Variants in IMPG1 observed in about 807,000 individuals in gnomAD.
IMPG1 encodes the protein interphotoreceptor matrix proteoglycan 1.
A neutral mutation model predicts 92.0 loss-of-function variants in IMPG1; 85 were observed. The ratio of observed to expected loss-of-function variants is 0.92; its 90% CI spans 0.78 to 1.11. The LOEUF is 1.11. IMPG1 is among the 50% of genes least tolerant of loss of function. IMPG1 has a pLI of 0.00. For synonymous variants in IMPG1, 367 were observed against 334.1 expected (o/e 1.10, Z -1.08); for missense variants, 1,022 against 956.0 (o/e 1.07, Z -0.91).
rs1390685470 is a variant in IMPG1, at chr6:75,963,045, A to AG, written c.1292-11952_1292-11951insC. On this transcript the variant is annotated intron_variant, in intron 12 of 16. Transcript: ENST00000369950. ...TACAGAGTGACTCTCTGTCTCCAGGAAAAAAAAAAAAAATCACAGAAAACA... is the reference window on the plus strand; with the variant it reads ...TACAGAGTGACTCTCTGTCTCCAGGAGAAAAAAAAAAAAATCACAGAAAACA... Among the ~76,000 whole-genome samples the AG allele has an allele frequency of 3.0e-5, 3 of 101,496 alleles. No homozygotes were observed. The South Asian group carries it at 9.3e-4, about 31-fold the overall frequency. 66.6% of individuals were successfully genotyped at this position (101,496 alleles called of 152,430 possible).
intron 12 of IMPG1, among the ~76,000 whole-genome samples, chr6:75,974,283 TTC>T (rs1013390150): frequency 1.7e-4 from 25 of 151,266 alleles, no homozygotes; most frequent in Middle Eastern, 3.4e-3. Flanking sequence ...TTTCTCTCTC[TTC>T]TTTCTTTCTC....
intron 14 of IMPG1, among the ~76,000 whole-genome samples, chr6:75,932,167 T>A (rs765249172): frequency 1.3e-5 from 2 of 152,268 alleles, no homozygotes; most frequent in Non-Finnish European, 2.9e-5. Flanking sequence ...TGCGTACAGA[T>A]AATGCTATAC....
intron 14 of IMPG1, among the ~76,000 whole-genome samples, chr6:75,935,489 C>T (rs537750542): frequency 1.3e-5 from 2 of 152,322 alleles, no homozygotes; most frequent in South Asian, 2.1e-4. Context: ...GGGTCGACCC[C>T]GCCGCACGTT....
At chr6:76,045,927 A>G (rs933347534) in intron 1 of IMPG1, among the ~76,000 whole-genome samples, 1 of 152,208 alleles carries the variant, frequency 6.6e-6, no homozygotes, top group African/African-American at 2.4e-5. Flanking sequence ...GACTTGCTAC[A>G]AAATAGAGTA....
intron 8 of IMPG1, among the ~76,000 whole-genome samples, chr6:76,009,786 C>G (rs956799302): frequency 2.0e-5 from 3 of 152,160 alleles, no homozygotes; most frequent in Admixed American, 6.5e-5. Context: ...ACTTCTAAAA[C>G]AGATTTTTTA....
rs1270054073 is a variant in IMPG1 at position 76,003,874 on chromosome 6, C to T, written c.1212G>A (p.Glu404=). 1.9e-6 allele frequency: 3 copies of T among 1,608,526 alleles called. No individual in the cohort carries two copies. Among genetic ancestry groups the T allele is most frequent in the African/African-American group, 2.7e-5 (2 of 74,776 alleles). ...ELPTSFAVIT[E]DATLSPELPP... ...AAGAACAAAAGGACAACAAACTTAC[C>T]TCTGTTATAACAGCAAAAGATGTGG... Residue 404 remains glutamate, a splice_region_variant and synonymous_variant, in exon 11 of 17, where the codon GAG becomes GAA. Transcript: ENST00000369950.
intron 12 of IMPG1, among the ~76,000 whole-genome samples, chr6:75,983,885 AC>A (rs1302619679): frequency 6.6e-6 from 1 of 152,180 alleles, no homozygotes; most frequent in African/African-American, 2.4e-5. Context: ...AAAGCAAATA[AC>A]CTGACTAAAA....
Position 76,064,028 on chromosome 6 carries a change from G to A in IMPG1, c.67+8394C>T, listed in dbSNP as rs561282098. Reference sequence around the variant, plus strand: ...CAGGCAGCCTCAGTGCTGAGGCACAGGAATGGAGAGGGGGACTACTCATCT... The same window carrying A: ...CAGGCAGCCTCAGTGCTGAGGCACAAGAATGGAGAGGGGGACTACTCATCT... On this transcript the variant is annotated intron_variant, in intron 1 of 16. Coordinates refer to ENST00000369950, the MANE Select transcript of IMPG1 (RefSeq NM_001563.4). Among the ~76,000 whole-genome samples, 3 of 152,292 alleles carry A rather than the reference G, an allele frequency of 2.0e-5. No homozygotes were observed. The East Asian group carries it at 5.8e-4, about 30-fold the overall frequency.
At chr6:76,017,868 T>C (rs925373646) in intron 7 of IMPG1, among the ~76,000 whole-genome samples, 1 of 152,190 alleles carries the variant, frequency 6.6e-6, no homozygotes, top group South Asian at 2.1e-4. Flanking sequence ...TTCTCCTGCC[T>C]CAGCCTCCCG....
chr6:75,923,076 T>C (rs1781456826), intron 16 of IMPG1, among the ~76,000 whole-genome samples: 1 of 152,086 alleles, frequency 6.6e-6, no homozygotes, highest in Non-Finnish European at 1.5e-5. Flanking sequence ...TATATATAAA[T>C]TGCTTATAGA....
intron 12 of IMPG1, among the ~76,000 whole-genome samples, chr6:75,998,774 C>T (rs1782939566): frequency 6.6e-6 from 1 of 152,162 alleles, no homozygotes. Context: ...TGAATTAATA[C>T]TATTTTTGAA....
At chr6:75,946,642 T>G (rs1429841583) in intron 14 of IMPG1, among the ~76,000 whole-genome samples, 1 of 152,248 alleles carries the variant, frequency 6.6e-6, no homozygotes, top group African/African-American at 2.4e-5. Context: ...GAGCAAATGT[T>G]TGCTTTCTCT....
intron 12 of IMPG1, among the ~76,000 whole-genome samples, chr6:75,996,020 A>C (rs2149474703): frequency 1.3e-5 from 2 of 152,334 alleles, no homozygotes; most frequent in East Asian, 3.8e-4. Flanking sequence ...CATCCCAGAG[A>C]GCCACTGGTA....
At chr6:76,047,585 G>A (rs913021555) in intron 1 of IMPG1, among the ~76,000 whole-genome samples, 2 of 152,098 alleles carry the variant, frequency 1.3e-5, no homozygotes, top group South Asian at 2.1e-4. Flanking sequence ...ATACCTTTGG[G>A]ATCTGTATTG....
chr6:76,065,965 C>A (rs1048120166), intron 1 of IMPG1, among the ~76,000 whole-genome samples: 4 of 151,948 alleles, frequency 2.6e-5, no homozygotes, highest in Non-Finnish European at 5.9e-5. Context: ...AATTTTGTAC[C>A]CTGAAAAACT....
At chr6:75,924,664 A>T (rs1271609417) in intron 15 of IMPG1, among the ~76,000 whole-genome samples, 1,442 of 2,672 alleles carry the variant, frequency 0.54, 396 homozygotes, top group East Asian at 0.82. Context: ...TATAATATAT[A>T]ATAAATTATA....
Position 75,947,434 on chromosome 6 carries a change from C to G in IMPG1, c.1924G>C (p.Ala642Pro), listed in dbSNP as rs1008603589. 1.9e-6 allele frequency: 3 copies of G among 1,613,780 alleles called. No homozygotes were observed. The highest frequency in any genetic ancestry group is 2.5e-6 in the Non-Finnish European group (3 of 1,179,866). Residue 642 changes from alanine (A) to proline (P), a missense_variant, in exon 14 of 17, where the codon GCT becomes CCT. By Grantham distance (27) the Ala-to-Pro change is conservative (BLOSUM62 -1). Around this residue, in one of 3 missense-constraint regions of IMPG1, gnomAD observed 332 missense variants for 346.2 expected, o/e 0.96. Coordinates refer to ENST00000369950, the MANE Select transcript of IMPG1 (RefSeq NM_001563.4). ...GTGAGGTTATACGGCACTGACTTAG[C>G]AAACTTCATTTTGCTATTCACAATC... ...SVIVNSKMKF[A>P]KSVPYNLTKA...
At chr6:76,012,389 C>A (rs1341888191) in intron 7 of IMPG1, among the ~76,000 whole-genome samples, 1 of 152,174 alleles carries the variant, frequency 6.6e-6, no homozygotes, top group African/African-American at 2.4e-5. Flanking sequence ...TTGCTCCACC[C>A]TATTTCTGTA....
intron 15 of IMPG1, among the ~76,000 whole-genome samples, chr6:75,924,742 A>ATATAATT (rs1562335434): frequency 3.4e-5 from 2 of 59,100 alleles, no homozygotes; most frequent in African/African-American, 7.0e-5. Context: ...TATAATATAT[A>ATATAATT]ATATATAATA....
Sources: allele counts gnomAD v4.1 joint callset (sites outside exome capture counted in the v4.1 genomes callset), GRCh38; gene constraint gnomAD v4.1.1; regional missense constraint gnomAD v4.1.1; transcripts MANE v1.5; gene names NCBI Gene and HGNC (gene_info 2026-07-23, HGNC 2026-07-21).